Variants in SDK1 observed in about 807,000 individuals in gnomAD.
The protein encoded by SDK1 is protein sidekick-1.
Under a neutral mutation model 245.5 loss-of-function variants are expected in SDK1, and 157 were observed. The observed-to-expected ratio is 0.64, with a 90% confidence interval of 0.56 to 0.73. SDK1 has a LOEUF of 0.73. SDK1 is among the 30% of genes least tolerant of loss of function. The probability of loss-of-function intolerance (pLI) is 0.00; values close to 1 mark genes in which losing one functional copy is unlikely to be tolerated. For missense variants in SDK1, 3,583 were observed against 3,002.3 expected, an observed-to-expected ratio of 1.19 and a Z score of -4.52; for synonymous variants, 1,647 against 1,278.5, an observed-to-expected ratio of 1.29 and a Z score of -6.15.
intron 3 of SDK1, among the ~76,000 whole-genome samples, chr7:3,640,830 C>A (rs184726916): frequency 6.6e-6 from 1 of 151,896 alleles, no homozygotes. Context: ...ATTACAGGCA[C>A]CCACCACCAC....
intron 31 of SDK1, among the ~76,000 whole-genome samples, chr7:4,159,690 A>T (rs1439754895): frequency 6.6e-6 from 1 of 152,230 alleles, no homozygotes; most frequent in Non-Finnish European, 1.5e-5. Context: ...GAGCCCCAGG[A>T]GCTCACTGTC....
At chr7:3,646,343 A>G (rs933032455) in intron 4 of SDK1, among the ~76,000 whole-genome samples, 36 of 151,048 alleles carry the variant, frequency 2.4e-4, no homozygotes, top group Non-Finnish European at 1.0e-4. Context: ...TTCAAGGGAA[A>G]CAGTAAGTCT....
chr7:3,422,811 C>G (rs1021900978), intron 1 of SDK1, among the ~76,000 whole-genome samples: 3 of 152,078 alleles, frequency 2.0e-5, no homozygotes, highest in African/African-American at 7.2e-5. Context: ...ACTGTTAATT[C>G]CTGGGAAAAA....
intron 4 of SDK1, among the ~76,000 whole-genome samples, chr7:3,643,970 T>A (rs999341607): frequency 6.6e-6 from 1 of 150,858 alleles, no homozygotes; most frequent in Non-Finnish European, 1.5e-5. Flanking sequence ...TGGCGTGATC[T>A]CAGCTCACTG....
intron 1 of SDK1, among the ~76,000 whole-genome samples, chr7:3,428,520 T>C (rs1779739899): frequency 6.6e-6 from 1 of 152,230 alleles, no homozygotes; most frequent in Admixed American, 6.5e-5. Context: ...AGGCACAATC[T>C]GTCTCTTAAT....
intron 20 of SDK1, among the ~76,000 whole-genome samples, chr7:4,074,913 TA>T (rs1274627401): frequency 0.011 from 945 of 82,980 alleles, 7 homozygotes; most frequent in African/African-American, 0.019. Flanking sequence ...TATATATATA[TA>T]TATTTTTTTT....
intron 4 of SDK1, among the ~76,000 whole-genome samples, chr7:3,744,467 G>A (rs73041717): frequency 0.016 from 2,391 of 151,998 alleles, 28 homozygotes; most frequent in Non-Finnish European, 0.026. Context: ...GTATAACCTA[G>A]CAAGGAATAT....
intron 5 of SDK1, among the ~76,000 whole-genome samples, chr7:3,882,903 GA>G (rs1781241819): frequency 1.3e-5 from 2 of 152,186 alleles, no homozygotes; most frequent in African/African-American, 4.8e-5. Context: ...GCATACCTAA[GA>G]GATTGTTCTG....
rs549677290 is a variant in SDK1 at position 3,867,343 on chromosome 7, G to T, written c.847+45760G>T. Reference sequence around the variant, plus strand: ...TAGAATTTGATTATTTTGGTGTGAAGGTATATAAAAATGCAGCCCTTTTGA... The same window carrying T: ...TAGAATTTGATTATTTTGGTGTGAATGTATATAAAAATGCAGCCCTTTTGA... On this transcript the variant is annotated intron_variant, in intron 5 of 44. Transcript: ENST00000404826. Among the ~76,000 whole-genome samples the T allele has an allele frequency of 3.3e-5, 5 of 152,172 alleles. No homozygotes were observed. The South Asian group carries it at 6.2e-4, about 19-fold the overall frequency.
intron 5 of SDK1, among the ~76,000 whole-genome samples, chr7:3,940,437 T>TG (rs1780315484): frequency 6.6e-6 from 1 of 152,204 alleles, no homozygotes; most frequent in South Asian, 2.1e-4. Flanking sequence ...TGAAAATGCC[T>TG]GTTCGTTTGG....
intron 1 of SDK1, among the ~76,000 whole-genome samples, chr7:3,594,789 T>G (rs1240867716): frequency 6.6e-6 from 1 of 152,206 alleles, no homozygotes; most frequent in Non-Finnish European, 1.5e-5. Context: ...AATACTGATA[T>G]AAGAACCATC....
Position 4,267,629 on chromosome 7 carries a change from G to A in SDK1, c.*2245G>A, listed in dbSNP as rs200748844. ...TGATGACTGCTCTCTGCAGCCATGAGGATGTGGCTTTACATGCCAGGGAGA... is the reference window on the plus strand; with the variant it reads ...TGATGACTGCTCTCTGCAGCCATGAAGATGTGGCTTTACATGCCAGGGAGA... On this transcript the variant is annotated 3_prime_UTR_variant, in exon 45 of 45. Coordinates refer to ENST00000404826, the MANE Select transcript of SDK1 (RefSeq NM_152744.4). 1.3e-4 allele frequency: 132 copies of A among 985,472 alleles called. 2 individuals are homozygous for A. The East Asian group carries it at 0.012, about 91-fold the overall frequency. 61.0% of individuals were successfully genotyped at this position (985,472 alleles called of 1,614,324 possible). A position where few individuals can be genotyped will look rare whatever the true frequency, so the allele number is the denominator to read the frequency against.
At chr7:4,061,407 A>T (rs1253921246) in intron 19 of SDK1, among the ~76,000 whole-genome samples, 1 of 152,172 alleles carries the variant, frequency 6.6e-6, no homozygotes, top group Non-Finnish European at 1.5e-5. Context: ...GCCATCAGAG[A>T]AATGCAAATC....
At chr7:3,715,818 T>C (rs924835249) in intron 4 of SDK1, among the ~76,000 whole-genome samples, 2 of 151,798 alleles carry the variant, frequency 1.3e-5, no homozygotes, top group Non-Finnish European at 2.9e-5. Context: ...GAGGCCAAAA[T>C]TGAAGTGAGT....
chr7:4,071,593 GC>G (rs1465287181), intron 20 of SDK1, among the ~76,000 whole-genome samples: 1 of 152,194 alleles, frequency 6.6e-6, no homozygotes, highest in African/African-American at 2.4e-5. Context: ...ACTATAGACT[GC>G]AGGAACCTAG....
At chr7:3,707,655 C>T (rs1277329450) in intron 4 of SDK1, among the ~76,000 whole-genome samples, 1 of 152,006 alleles carries the variant, frequency 6.6e-6, no homozygotes. Flanking sequence ...GAGCTGAAGG[C>T]CCCCCCTATT....
chr7:3,666,979 G>T (rs1783555442), intron 4 of SDK1, among the ~76,000 whole-genome samples: 1 of 151,934 alleles, frequency 6.6e-6, no homozygotes, highest in Admixed American at 6.6e-5. Flanking sequence ...TTTTTTTAAG[G>T]ACTTGTGTTT....
intron 4 of SDK1, among the ~76,000 whole-genome samples, chr7:3,662,886 T>C (rs1003526023): frequency 6.6e-6 from 1 of 152,156 alleles, no homozygotes; most frequent in African/African-American, 2.4e-5. Context: ...CCAGTATGCA[T>C]TATGCAGATA....
intron 4 of SDK1, among the ~76,000 whole-genome samples, chr7:3,794,472 G>T (rs921466236): frequency 3.3e-5 from 5 of 152,166 alleles, no homozygotes; most frequent in African/African-American, 1.2e-4. Flanking sequence ...TTGATATGTG[G>T]GGCTCTTAAG....
Sources: gnomAD v4.1 joint callset for allele counts (sites outside exome capture counted in the v4.1 genomes callset) on GRCh38, gnomAD v4.1.1 for gene constraint, MANE v1.5 for transcripts, NCBI Gene and HGNC (gene_info 2026-07-23, HGNC 2026-07-21) for gene names.